Variants in SLC4A4 observed in about 807,000 individuals in gnomAD.
SLC4A4 encodes electrogenic sodium bicarbonate cotransporter 1.
A neutral mutation model predicts 111.5 loss-of-function variants in SLC4A4; 27 were observed. The observed-to-expected ratio is 0.24, with a 90% confidence interval of 0.18 to 0.33. The LOEUF (loss-of-function observed/expected upper bound fraction) is 0.33. SLC4A4 is among the 10% of genes least tolerant of loss of function. SLC4A4 has a pLI of 1.00. For synonymous variants in SLC4A4, 443 were observed against 463.4 expected, an observed-to-expected ratio of 0.96 and a Z score of 0.57; for missense variants, 909 against 1,315.5, an observed-to-expected ratio of 0.69 and a Z score of 4.78.
In SLC4A4 at chr4:71,084,165, C is replaced by T. The variant is rs189798950; in HGVS notation, c.-64-8565C>T. ...TGGACTTTTTGATGTGTTGAGGATT[C>T]GATATTAATTCAAGGGAATTGTTCA... On this transcript the variant is annotated intron_variant, in intron 1 of 26. Transcript: ENST00000649996. Among the ~76,000 whole-genome samples, 26 of 151,960 alleles carry T rather than the reference C, an allele frequency of 1.7e-4. No individual in the cohort carries two copies. In the East Asian group the frequency reaches 5.0e-3, roughly 29 times the overall value.
intron 7 of SLC4A4, among the ~76,000 whole-genome samples, chr4:71,416,441 T>A (rs879866842): frequency 1.3e-5 from 2 of 152,210 alleles, no homozygotes; most frequent in Admixed American, 1.3e-4. Flanking sequence ...GCTCCTACTC[T>A]TGCTCTCTCA....
chr4:71,554,437 C>T (rs1736289694), intron 20 of SLC4A4, among the ~76,000 whole-genome samples: 1 of 151,852 alleles, frequency 6.6e-6, no homozygotes, highest in East Asian at 1.9e-4. Flanking sequence ...AGTTTACAGA[C>T]ATCACTTCTC....
chr4:71,421,202 C>T (rs1722447774), intron 7 of SLC4A4, among the ~76,000 whole-genome samples: 1 of 152,016 alleles, frequency 6.6e-6, no homozygotes, highest in African/African-American at 2.4e-5. Flanking sequence ...TCTGATAAAA[C>T]AGACTTTAAA....
intron 1 of SLC4A4, among the ~76,000 whole-genome samples, chr4:71,230,723 T>G (rs994483210): frequency 6.6e-6 from 1 of 152,178 alleles, no homozygotes; most frequent in African/African-American, 2.4e-5. Context: ...ATGAACTTGA[T>G]CCATGTGCAG....
intron 7 of SLC4A4, among the ~76,000 whole-genome samples, chr4:71,415,761 T>C (rs570978196): frequency 2.0e-5 from 3 of 152,342 alleles, no homozygotes; most frequent in Admixed American, 6.5e-5. Context: ...ATGAGTCTTA[T>C]ACATTCTGCC....
rs146679267 is a variant in SLC4A4, at chr4:71,365,862, C to T, written c.730+8675C>T. 3.1e-3 allele frequency among the ~76,000 whole-genome samples: 478 copies of T among 152,228 alleles called. 3 individuals are homozygous for T. The highest frequency in any genetic ancestry group is 0.014 in the Middle Eastern group (4 of 294). Reference sequence around the variant, plus strand: ...ACCTGAAAGTCAGAAATATAAATAACTTGTCTAAGCATAGTAAATGGAGGA... The same window carrying T: ...ACCTGAAAGTCAGAAATATAAATAATTTGTCTAAGCATAGTAAATGGAGGA... On this transcript the variant is annotated intron_variant, in intron 6 of 25. Coordinates refer to ENST00000264485, the MANE Select transcript of SLC4A4 (RefSeq NM_001098484.3).
intron 3 of SLC4A4, among the ~76,000 whole-genome samples, chr4:71,274,213 C>A (rs957678874): frequency 1.3e-5 from 2 of 152,144 alleles, no homozygotes; most frequent in African/African-American, 4.8e-5. Context: ...AATATATTTA[C>A]TACTGATTAA....
intron 1 of SLC4A4, among the ~76,000 whole-genome samples, chr4:71,082,853 CTT>C (rs34193763): frequency 4.3e-4 from 62 of 142,686 alleles, no homozygotes; most frequent in African/African-American, 7.7e-4. Flanking sequence ...CCATAATTTT[CTT>C]TTTTTTTTTT....
intron 15 of SLC4A4, among the ~76,000 whole-genome samples, chr4:71,488,090 A>G (rs956030690): frequency 2.2e-4 from 33 of 151,016 alleles, no homozygotes; most frequent in African/African-American, 7.5e-4. Context: ...TAGATTTGAA[A>G]GAATTTTATT....
chr4:71,508,678 G>A (rs1309342849), intron 16 of SLC4A4, among the ~76,000 whole-genome samples: 3 of 152,166 alleles, frequency 2.0e-5, no homozygotes, highest in Non-Finnish European at 2.9e-5. Flanking sequence ...TCTACCAGAT[G>A]TACAAAGAAG....
At chr4:71,503,906 C>G (rs28858196) in intron 16 of SLC4A4, among the ~76,000 whole-genome samples, 2 of 152,062 alleles carry the variant, frequency 1.3e-5, no homozygotes, top group Non-Finnish European at 2.9e-5. Flanking sequence ...CTGGAAAGAT[C>G]TTTATTATAG....
At chr4:71,513,390 T>C (rs1732098886) in intron 16 of SLC4A4, among the ~76,000 whole-genome samples, 1 of 152,164 alleles carries the variant, frequency 6.6e-6, no homozygotes, top group Non-Finnish European at 1.5e-5. Flanking sequence ...TTGTATTGTA[T>C]CTCTTGTAAA....
At chr4:71,348,652 C>A (rs1394806833) in intron 4 of SLC4A4, among the ~76,000 whole-genome samples, 1 of 152,138 alleles carries the variant, frequency 6.6e-6, no homozygotes, top group Admixed American at 6.5e-5. Context: ...TAAAATACTT[C>A]TGAAACATAT....
chr4:71,473,257 C>T (rs1417239734), intron 14 of SLC4A4: 6 of 604,668 alleles, frequency 9.9e-6, no homozygotes, highest in Middle Eastern at 4.2e-4. Context: ...GTACATTATT[C>T]TTGATTTTAT....
intron 3 of SLC4A4, among the ~76,000 whole-genome samples, chr4:71,315,158 A>G (rs1726580249): frequency 6.6e-6 from 1 of 152,114 alleles, no homozygotes; most frequent in South Asian, 2.1e-4. Context: ...GACTTCTTTT[A>G]GGTTTCTTCC....
chr4:71,306,718 T>C (rs1725718907), intron 3 of SLC4A4, among the ~76,000 whole-genome samples: 1 of 152,252 alleles, frequency 6.6e-6, no homozygotes, highest in Non-Finnish European at 1.5e-5. Flanking sequence ...TTTTTCATTT[T>C]GATACATTTT....
intron 3 of SLC4A4, among the ~76,000 whole-genome samples, chr4:71,338,448 G>T (rs1401842267): frequency 6.6e-6 from 1 of 152,086 alleles, no homozygotes. Flanking sequence ...GGATTTTGAG[G>T]AGTATTTGTG....
intron 6 of SLC4A4, among the ~76,000 whole-genome samples, chr4:71,392,014 A>G (rs886320847): frequency 3.3e-5 from 5 of 152,104 alleles, no homozygotes; most frequent in Non-Finnish European, 7.4e-5. Context: ...ATTTATTCTG[A>G]CAATATGTCT....
chr4:71,387,654 C>G (rs1410591858), intron 6 of SLC4A4, among the ~76,000 whole-genome samples: 1 of 152,104 alleles, frequency 6.6e-6, no homozygotes, highest in Admixed American at 6.6e-5. Flanking sequence ...ACCACCACGC[C>G]TGGCTAATTT....
Sources: gnomAD v4.1 joint callset for allele counts (sites outside exome capture counted in the v4.1 genomes callset) on GRCh38, gnomAD v4.1.1 for gene constraint, MANE v1.5 for transcripts, NCBI Gene and HGNC (gene_info 2026-07-23, HGNC 2026-07-21) for gene names.